The following NCOA1 variants were observed in gnomAD, a reference collection of about 807,000 sequenced individuals.
NCOA1 encodes Hin-2 protein.
NCOA1 carries 35 observed loss-of-function variants against 150.9 expected under a neutral mutation model. The ratio of observed to expected loss-of-function variants is 0.23; its 90% confidence interval spans 0.18 to 0.31. The LOEUF is 0.31. NCOA1 is among the 10% of genes least tolerant of loss of function. The pLI is 1.00. For synonymous variants in NCOA1, 590 were observed against 630.0 expected (o/e 0.94, Z 0.95); for missense variants, 1,491 against 1,749.3 (o/e 0.85, Z 2.63).
intron 2 of NCOA1, among the ~76,000 whole-genome samples, chr2:24,582,776 G>T (rs1667251069): frequency 6.6e-6 from 1 of 152,146 alleles, no homozygotes; most frequent in Admixed American, 6.6e-5. Context: ...CAATGGAGCA[G>T]AAGAGAACCC....
At chr2:24,755,038 T>C (rs1178795396) in intron 20 of NCOA1, among the ~76,000 whole-genome samples, 1 of 152,234 alleles carries the variant, frequency 6.6e-6, no homozygotes. Context: ...CCTTGTGTAT[T>C]AGCGTATATC....
At chr2:24,642,035 TGTGC>T (rs1368918234) in intron 3 of NCOA1, among the ~76,000 whole-genome samples, 23 of 114,328 alleles carry the variant, frequency 2.0e-4, no homozygotes, top group Admixed American at 2.0e-3. Flanking sequence ...TGTGTGTGTG[TGTGC>T]GCGCGTGCGT....
chr2:24,716,092 C>T (rs1264696709), intron 14 of NCOA1, among the ~76,000 whole-genome samples: 1 of 146,182 alleles, frequency 6.8e-6, no homozygotes, highest in Non-Finnish European at 1.5e-5. Context: ...TGCAGTGAGC[C>T]GAGATTGCGC....
chr2:24,549,770 C>T (rs933750444), intron 1 of NCOA1, among the ~76,000 whole-genome samples: 1 of 152,278 alleles, frequency 6.6e-6, no homozygotes, highest in African/African-American at 2.4e-5. Context: ...CAGGGTTTCA[C>T]CGTGTTAACC....
At chr2:24,517,002 G>GCACACA (rs796783517) in intron 1 of NCOA1, among the ~76,000 whole-genome samples, 733 of 25,756 alleles carry the variant, frequency 0.028, 11 homozygotes, top group African/African-American at 0.038. Flanking sequence ...ATACACACGC[G>GCACACA]CGCACACACA....
At chr2:24,642,037 T>TGTGTGC (rs942145000) in intron 3 of NCOA1, among the ~76,000 whole-genome samples, 85 of 138,546 alleles carry the variant, frequency 6.1e-4, no homozygotes, top group East Asian at 2.0e-3. Flanking sequence ...TGTGTGTGTG[T>TGTGTGC]GCGCGCGTGC....
At chr2:24,544,110 G>A (rs950580378) in intron 1 of NCOA1, among the ~76,000 whole-genome samples, 2 of 152,116 alleles carry the variant, frequency 1.3e-5, no homozygotes, top group Admixed American at 6.6e-5. Flanking sequence ...ACTAGGGAGA[G>A]TAGAGAGAAG....
chr2:24,619,519 G>A (rs1669026846), intron 3 of NCOA1, among the ~76,000 whole-genome samples: 1 of 152,180 alleles, frequency 6.6e-6, no homozygotes, highest in African/African-American at 2.4e-5. Context: ...TATAGCCTGT[G>A]AACTCAGTTT....
intron 3 of NCOA1, among the ~76,000 whole-genome samples, chr2:24,592,207 T>G (rs1667684297): frequency 6.6e-6 from 1 of 152,182 alleles, no homozygotes; most frequent in African/African-American, 2.4e-5. Flanking sequence ...AGCTTTATAT[T>G]AAAACAATAG....
intron 14 of NCOA1, among the ~76,000 whole-genome samples, chr2:24,721,480 C>T (rs1674354776): frequency 6.6e-6 from 1 of 152,212 alleles, no homozygotes; most frequent in Admixed American, 6.5e-5. Context: ...AAGCCCTTTT[C>T]CCCTGGCAGT....
chr2:24,766,534 C>T (rs1185981323), intron 22 of NCOA1, among the ~76,000 whole-genome samples: 1 of 151,572 alleles, frequency 6.6e-6, no homozygotes, highest in African/African-American at 2.4e-5. Context: ...GACAGATATA[C>T]AGAAAGGGAG....
At chr2:24,595,300 A>G (rs1667841671) in intron 3 of NCOA1, among the ~76,000 whole-genome samples, 1 of 152,092 alleles carries the variant, frequency 6.6e-6, no homozygotes, top group African/African-American at 2.4e-5. Context: ...CACACCTCCA[A>G]TGTATTGAAT....
At chr2:24,692,100 A>G (rs1327644042) in intron 9 of NCOA1, among the ~76,000 whole-genome samples, 1 of 152,222 alleles carries the variant, frequency 6.6e-6, no homozygotes, top group Non-Finnish European at 1.5e-5. Flanking sequence ...GAGAAAACTT[A>G]AGAACAGATG....
chr2:24,701,578 T>C (rs961755745), intron 11 of NCOA1, among the ~76,000 whole-genome samples: 1 of 151,932 alleles, frequency 6.6e-6, no homozygotes, highest in Admixed American at 6.5e-5. Context: ...TACATATCTT[T>C]CTATTTATCC....
chr2:24,506,437 G>A (rs975533210), intron 1 of NCOA1, among the ~76,000 whole-genome samples: 1 of 152,098 alleles, frequency 6.6e-6, no homozygotes, highest in Non-Finnish European at 1.5e-5. Flanking sequence ...TTGCTTTGAG[G>A]ACTTTTGGGG....
intron 13 of NCOA1, among the ~76,000 whole-genome samples, chr2:24,710,275 G>A (rs907855104): frequency 2.0e-5 from 3 of 151,852 alleles, no homozygotes; most frequent in African/African-American, 7.3e-5. Context: ...TGTATTTTTA[G>A]TAGAGACGGG....
intron 8 of NCOA1, among the ~76,000 whole-genome samples, chr2:24,683,653 G>A (rs1482063066): frequency 6.6e-6 from 1 of 152,186 alleles, no homozygotes; most frequent in Non-Finnish European, 1.5e-5. Flanking sequence ...GTGCCTTGGG[G>A]CAGGGCTGGG....
chr2:24,609,850 A>T (rs1332808264), intron 3 of NCOA1, among the ~76,000 whole-genome samples: 1 of 151,458 alleles, frequency 6.6e-6, no homozygotes, highest in African/African-American at 2.4e-5. Flanking sequence ...CTTTTACTAC[A>T]TTTTATGATT....
At chr2:24,649,464 A>G (rs1207256841) in intron 4 of NCOA1, among the ~76,000 whole-genome samples, 1 of 152,248 alleles carries the variant, frequency 6.6e-6, no homozygotes, top group African/African-American at 2.4e-5. Context: ...AGACATGTGC[A>G]GTATACCTGC....
Sources: gnomAD v4.1 joint callset for allele counts (sites outside exome capture counted in the v4.1 genomes callset) on GRCh38, gnomAD v4.1.1 for gene constraint, MANE v1.5 for transcripts, NCBI Gene and HGNC (gene_info 2026-07-23, HGNC 2026-07-21) for gene names.